TRAPPC9: variants seen among roughly 807,000 people sequenced by gnomAD.
TRAPPC9 encodes trafficking protein particle complex subunit 9, also known as IKK2 binding protein.
A neutral mutation model predicts 124.0 loss-of-function variants in TRAPPC9; 83 were observed. The observed-to-expected ratio is 0.67, with a 90% CI of 0.56 to 0.80. The LOEUF is 0.80. Ranked by LOEUF, TRAPPC9 falls within the 30% of genes least tolerant of loss-of-function variation. The pLI is 0.00. For synonymous variants in TRAPPC9, 638 were observed against 617.5 expected (o/e 1.03, Z -0.49); for missense variants, 1,302 against 1,508.3 (o/e 0.86, Z 2.27).
intron 17 of TRAPPC9, among the ~76,000 whole-genome samples, chr8:140,155,261 T>A (rs895652238): frequency 6.6e-6 from 1 of 152,182 alleles, no homozygotes; most frequent in South Asian, 2.1e-4. Context: ...CCAGACTCCC[T>A]CGCCTCAGGA....
chr8:140,268,495 T>C (rs1006181649), intron 15 of TRAPPC9, among the ~76,000 whole-genome samples: 6 of 152,236 alleles, frequency 3.9e-5, no homozygotes, highest in Non-Finnish European at 8.8e-5. Flanking sequence ...AGCTTTCATT[T>C]TTCACGTGTA....
intron 17 of TRAPPC9, among the ~76,000 whole-genome samples, chr8:140,121,996 C>A (rs1326413715): frequency 6.7e-6 from 1 of 149,486 alleles, no homozygotes; most frequent in Non-Finnish European, 1.5e-5. Context: ...GCTCATGTTG[C>A]TGGAGTCCAT....
intron 19 of TRAPPC9, among the ~76,000 whole-genome samples, chr8:139,954,812 C>T (rs1298865640): frequency 1.3e-5 from 2 of 152,252 alleles, no homozygotes; most frequent in African/African-American, 2.4e-5. Context: ...TGAATAAAGG[C>T]CAATGTTGAG....
chr8:140,049,422 C>T (rs1014660983), intron 17 of TRAPPC9, among the ~76,000 whole-genome samples: 10 of 152,132 alleles, frequency 6.6e-5, no homozygotes, highest in African/African-American at 1.4e-4. Context: ...CTATTGTACC[C>T]GGGCTCCTGT....
intron 21 of TRAPPC9, among the ~76,000 whole-genome samples, chr8:139,808,503 C>G (rs1491001626): frequency 6.6e-6 from 1 of 152,172 alleles, no homozygotes; most frequent in Non-Finnish European, 1.5e-5. Context: ...AAATATATCA[C>G]AACCATCAGC....
chr8:139,764,576 G>T (rs1820456601), intron 21 of TRAPPC9, among the ~76,000 whole-genome samples: 1 of 152,202 alleles, frequency 6.6e-6, no homozygotes, highest in Non-Finnish European at 1.5e-5. Flanking sequence ...CAGCTGAGGT[G>T]GTTCTGCCCC....
At chr8:140,340,279 G>C (rs966086908) in intron 9 of TRAPPC9, among the ~76,000 whole-genome samples, 3 of 152,232 alleles carry the variant, frequency 2.0e-5, no homozygotes, top group African/African-American at 7.2e-5. Flanking sequence ...ATCACCTGCA[G>C]AGAAACAATC....
At chr8:140,333,579 C>T (rs2066954757) in intron 9 of TRAPPC9, among the ~76,000 whole-genome samples, 1 of 152,108 alleles carries the variant, frequency 6.6e-6, no homozygotes, top group Admixed American at 6.5e-5. Flanking sequence ...TTAGTAAAGA[C>T]GGGATTTTGC....
chr8:140,254,607 C>T (rs959061061), intron 15 of TRAPPC9, among the ~76,000 whole-genome samples: 8 of 152,200 alleles, frequency 5.3e-5, no homozygotes, highest in African/African-American at 1.9e-4. Context: ...CTCCTCCTCC[C>T]AGGAAGGGCC....
At chr8:139,828,680 G>A (rs1250997510) in intron 21 of TRAPPC9, among the ~76,000 whole-genome samples, 5 of 152,130 alleles carry the variant, frequency 3.3e-5, no homozygotes, top group Non-Finnish European at 5.9e-5. Flanking sequence ...CAAGGTCATC[G>A]ACACATCATT....
rs192921541 is a variant in TRAPPC9, at chr8:139,990,643, G to C, written c.2700-1807C>G. Among the ~76,000 whole-genome samples the C allele has an allele frequency of 5.6e-4, 85 of 151,984 alleles. 2 individuals carry two copies. The East Asian group carries it at 0.015, about 27-fold the overall frequency. ...CTCTTGTCGTCCAGGCTGGAGTGCA[G>C]TGGCACAATCTCGGCTCACTGCAAC... On this transcript the variant is annotated intron_variant, in intron 18 of 22. Coordinates refer to ENST00000438773, the MANE Select transcript of TRAPPC9 (RefSeq NM_001160372.4).
chr8:139,864,169 G>A (rs1316858468), intron 21 of TRAPPC9, among the ~76,000 whole-genome samples: 1 of 152,270 alleles, frequency 6.6e-6, no homozygotes. Flanking sequence ...CCTTGGATGA[G>A]GCATCCAAGA....
At chr8:140,178,436 T>C (rs1196065323) in intron 17 of TRAPPC9, among the ~76,000 whole-genome samples, 1 of 152,184 alleles carries the variant, frequency 6.6e-6, no homozygotes, top group Non-Finnish European at 1.5e-5. Context: ...AGCCTTGCAT[T>C]CTCAGAATAA....
intron 19 of TRAPPC9, among the ~76,000 whole-genome samples, chr8:139,935,722 A>G (rs998730738): frequency 5.0e-5 from 7 of 141,272 alleles, no homozygotes; most frequent in African/African-American, 1.9e-4. Flanking sequence ...TATTTGCCGT[A>G]TGAACTCGGG....
chr8:139,832,435 G>C (rs1411745227), intron 21 of TRAPPC9, among the ~76,000 whole-genome samples: 1 of 152,226 alleles, frequency 6.6e-6, no homozygotes, highest in Admixed American at 6.5e-5. Flanking sequence ...CCGCTGGTTG[G>C]TCTGGGACGA....
At chr8:140,193,170 C>G (rs186499439) in intron 17 of TRAPPC9, among the ~76,000 whole-genome samples, 1 of 152,310 alleles carries the variant, frequency 6.6e-6, no homozygotes, top group East Asian at 1.9e-4. Flanking sequence ...TCCAGAGTTG[C>G]TTGGAGGAAA....
intron 21 of TRAPPC9, among the ~76,000 whole-genome samples, chr8:139,744,493 G>A (rs937664299): frequency 4.6e-5 from 7 of 152,174 alleles, no homozygotes; most frequent in East Asian, 1.9e-4. Flanking sequence ...CTCCGTCTCC[G>A]TGTCCCAGAG....
At chr8:140,123,195 C>A (rs899829341) in intron 17 of TRAPPC9, among the ~76,000 whole-genome samples, 1 of 152,024 alleles carries the variant, frequency 6.6e-6, no homozygotes, top group Admixed American at 6.6e-5. Flanking sequence ...CTGTCCCCGA[C>A]CCCTCTTCAG....
intron 15 of TRAPPC9, among the ~76,000 whole-genome samples, chr8:140,275,009 C>T (rs942947749): frequency 6.6e-6 from 1 of 152,198 alleles, no homozygotes; most frequent in Non-Finnish European, 1.5e-5. Context: ...ACACATATTA[C>T]TCTTGATACT....
Sources: allele counts gnomAD v4.1 joint callset (sites outside exome capture counted in the v4.1 genomes callset), GRCh38; gene constraint gnomAD v4.1.1; transcripts MANE v1.5; gene names NCBI Gene and HGNC (gene_info 2026-07-23, HGNC 2026-07-21).